Variants in KCNQ3 observed in about 807,000 individuals in gnomAD.
The protein encoded by KCNQ3 is potassium voltage-gated channel subfamily Q member 3.
KCNQ3 carries 30 observed loss-of-function variants against 92.5 expected under a neutral mutation model. That is an observed-to-expected ratio of 0.32 (90% CI 0.24 to 0.44). KCNQ3 has a LOEUF of 0.44. Among genes scored for constraint, KCNQ3 ranks in the 20% least tolerant of loss-of-function variants. KCNQ3 has a pLI of 1.00. For synonymous variants in KCNQ3, 450 were observed against 468.8 expected, an observed-to-expected ratio of 0.96 and a Z score of 0.52; for missense variants, 913 against 1,140.3, an observed-to-expected ratio of 0.80 and a Z score of 2.87.
chr8:132,140,024 G>A, intron 11 of KCNQ3, 52 bp downstream of exon 11: 9 of 1,244,030 alleles, frequency 7.2e-6, no homozygotes, highest in Non-Finnish European at 1.0e-5. Flanking sequence ...TGTGGGAGTT[G>A]AGCTGGAGCG....
chr8:132,450,469 C>T (rs534837879), intron 1 of KCNQ3, among the ~76,000 whole-genome samples: 36 of 152,292 alleles, frequency 2.4e-4, no homozygotes, highest in African/African-American at 8.2e-4. Flanking sequence ...AGTCCCCACT[C>T]GACCCAGGAA....
rs780775965 is a variant in KCNQ3, at chr8:132,138,024, G to A, written c.1569-8C>T. The A allele has an allele frequency of 6.2e-6, 10 of 1,606,820 alleles. No individual in the cohort carries two copies. The African/African-American group carries it at 1.2e-4, about 19-fold the overall frequency. ...AGACGGAATTGTAGAATTCTGCAAG[G>A]CAAAGTAGAGGCATTTGTGCATCCC... On this transcript the variant is annotated splice_polypyrimidine_tract_variant and splice_region_variant and intron_variant, in intron 11 of 14. Transcript: ENST00000388996.
chr8:132,232,919 C>G (rs16904633), intron 1 of KCNQ3, among the ~76,000 whole-genome samples: 20,269 of 152,128 alleles, frequency 0.13, 1,520 homozygotes, highest in African/African-American at 0.2. Flanking sequence ...GATTAATGCA[C>G]ACAGATGCCG....
chr8:132,159,559 G>T (rs914461552), intron 9 of KCNQ3, among the ~76,000 whole-genome samples: 2 of 152,182 alleles, frequency 1.3e-5, no homozygotes, highest in African/African-American at 2.4e-5. Flanking sequence ...TTTGGTGAAG[G>T]GTAGGTGGAC....
chr8:132,431,450 C>G lies in KCNQ3; in HGVS notation c.386+48697G>C, dbSNP rs376976059. Among the ~76,000 whole-genome samples the G allele has an allele frequency of 1.0e-3, 155 of 152,340 alleles. 3 individuals carry two copies. Among genetic ancestry groups the G allele is most frequent in the East Asian group, 3.9e-4 (2 of 5,176 alleles). Reference sequence around the variant, plus strand: ...GACACACAGGCATCCCTGGCCAGCTCTGGTCTCTAGGGAGGTCGGTGATGT... The same window carrying G: ...GACACACAGGCATCCCTGGCCAGCTGTGGTCTCTAGGGAGGTCGGTGATGT... On this transcript the variant is annotated intron_variant, in intron 1 of 14. Coordinates refer to ENST00000388996, the MANE Select transcript of KCNQ3 (RefSeq NM_004519.4).
At chr8:132,130,678 G>A (rs1241536506) in intron 14 of KCNQ3, among the ~76,000 whole-genome samples, 1 of 152,220 alleles carries the variant, frequency 6.6e-6, no homozygotes, top group African/African-American at 2.4e-5. Context: ...TCCTTAGACA[G>A]AAGCATGTGG....
intron 1 of KCNQ3, among the ~76,000 whole-genome samples, chr8:132,424,963 T>C (rs1563906958): frequency 6.6e-6 from 1 of 152,252 alleles, no homozygotes; most frequent in Non-Finnish European, 1.5e-5. Flanking sequence ...AATAAGTTCA[T>C]ATCCACGGGT....
intron 1 of KCNQ3, chr8:132,186,480 G>T: frequency 2.6e-6 from 1 of 389,460 alleles, no homozygotes; most frequent in South Asian, 2.1e-5. Flanking sequence ...CCAACCTCGA[G>T]GACATTGCTG....
intron 1 of KCNQ3, among the ~76,000 whole-genome samples, chr8:132,261,587 G>A (rs2130471442): frequency 6.6e-6 from 1 of 152,354 alleles, no homozygotes; most frequent in Admixed American, 6.5e-5. Context: ...GTGGCAGAAT[G>A]TGTGGGTGGC....
In KCNQ3 at chr8:132,480,406, C is replaced by A; in HGVS notation, c.127G>T (p.Val43Leu). The change falls in exon 1 of 15, where the codon GTG (valine) becomes TTG (leucine). Residue 43 changes from valine (V) to leucine (L), a missense_variant. Physicochemically the swap from Val to Leu is conservative, Grantham distance 32. Coordinates refer to ENST00000388996, the MANE Select transcript of KCNQ3 (RefSeq NM_004519.4). ...AAAAGDEERK[V>L]GLAPGDVEQV... ...TCCACGTCGCCGGGCGCCAGCCCCA[C>A]TTTCCGCTCCTCGTCGCCGGCCGCC... is the stretch of plus-strand genomic sequence containing the variant. The A allele has an allele frequency of 6.6e-7, 1 of 1,519,046 alleles. No homozygotes were observed. The highest frequency in any genetic ancestry group is 8.8e-7 in the Non-Finnish European group (1 of 1,140,470). The allele number at this position is 1,519,046 out of a possible 1,614,324, so 94.1% of individuals were successfully genotyped here. A position where few individuals can be genotyped will look rare whatever the true frequency, so the allele number is the denominator to read the frequency against.
intron 1 of KCNQ3, among the ~76,000 whole-genome samples, chr8:132,369,589 AC>A (rs1167908559): frequency 1.1e-4 from 17 of 151,924 alleles, no homozygotes; most frequent in African/African-American, 4.1e-4. Flanking sequence ...ACACACACAC[AC>A]ACACACACAC....
In KCNQ3 at chr8:132,297,093, G is replaced by A. The variant is rs1817055858; in HGVS notation, c.387-110912C>T. Among the ~76,000 whole-genome samples the A allele has an allele frequency of 2.6e-5, 4 of 152,320 alleles. No individual in the cohort carries two copies. The South Asian group carries it at 8.3e-4, about 32-fold the overall frequency. ...TAATGATCACCATTCTAACTGGTGTGAGATGGTATCTCATTGTGGTTTTGA... is the reference window on the plus strand; with the variant it reads ...TAATGATCACCATTCTAACTGGTGTAAGATGGTATCTCATTGTGGTTTTGA... On this transcript the variant is annotated intron_variant, in intron 1 of 14. Transcript: ENST00000388996.
At chr8:132,340,030 T>C (rs1818479201) in intron 1 of KCNQ3, among the ~76,000 whole-genome samples, 1 of 151,046 alleles carries the variant, frequency 6.6e-6, no homozygotes, top group Admixed American at 6.6e-5. Flanking sequence ...TCACTGGTCA[T>C]TAGAGAAATG....
At chr8:132,349,185 G>A (rs1818786347) in intron 1 of KCNQ3, among the ~76,000 whole-genome samples, 1 of 152,210 alleles carries the variant, frequency 6.6e-6, no homozygotes. Context: ...TGCTCAGGGA[G>A]GTGAAGTGGC....
At chr8:132,354,975 T>C (rs1173384720) in intron 1 of KCNQ3, among the ~76,000 whole-genome samples, 1 of 152,206 alleles carries the variant, frequency 6.6e-6, no homozygotes, top group African/African-American at 2.4e-5. Flanking sequence ...TCTCTGCGAC[T>C]GCCCTAAGGA....
intron 1 of KCNQ3, among the ~76,000 whole-genome samples, chr8:132,448,503 A>AAAAAAAAAAAAAAAAAAAAAAAAAG (rs1821745266): frequency 1.2e-4 from 1 of 8,140 alleles, no homozygotes; most frequent in Admixed American, 1.5e-3. Context: ...GAGAAATATG[A>AAAAAAAAAAAAAAAAAAAAAAAAAG]AAAAAAAAAA....
At chr8:132,447,644 G>T (rs959161673) in intron 1 of KCNQ3, among the ~76,000 whole-genome samples, 1 of 152,224 alleles carries the variant, frequency 6.6e-6, no homozygotes, top group Non-Finnish European at 1.5e-5. Flanking sequence ...AGTGCCTAAA[G>T]TTGATTCATC....
chr8:132,330,995 C>T (rs1382478856), intron 1 of KCNQ3, among the ~76,000 whole-genome samples: 3 of 152,188 alleles, frequency 2.0e-5, no homozygotes, highest in Non-Finnish European at 4.4e-5. Flanking sequence ...TGATAAGCCA[C>T]GAACCTGAAT....
intron 1 of KCNQ3, among the ~76,000 whole-genome samples, chr8:132,215,827 G>A (rs1194250607): frequency 6.6e-6 from 1 of 152,178 alleles, no homozygotes; most frequent in Non-Finnish European, 1.5e-5. Context: ...TGTGGGCAGA[G>A]GCTCAAGTTC....
Sources: allele counts gnomAD v4.1 joint callset (sites outside exome capture counted in the v4.1 genomes callset), GRCh38; gene constraint gnomAD v4.1.1; transcripts MANE v1.5; gene names NCBI Gene and HGNC (gene_info 2026-07-23, HGNC 2026-07-21).